CSMD1: variants seen among roughly 807,000 people sequenced by gnomAD.
The protein encoded by CSMD1 is CUB and sushi domain-containing protein 1.
In CSMD1, 213 loss-of-function variants were observed where a neutral mutation model predicts 417.5. That is an observed-to-expected ratio of 0.51 (90% CI 0.46 to 0.57). The LOEUF (loss-of-function observed/expected upper bound fraction) is 0.57, where lower values mean the gene tolerates loss of function less well. CSMD1 is among the 20% of genes least tolerant of loss of function. The probability of loss-of-function intolerance (pLI) is 0.00; values close to 1 mark genes in which losing one functional copy is unlikely to be tolerated. For missense variants in CSMD1, 6,923 were observed against 4,529.7 expected (o/e 1.53, Z -15.17); for synonymous variants, 2,862 against 1,736.8 (o/e 1.65, Z -16.11).
intron 30 of CSMD1, among the ~76,000 whole-genome samples, chr8:3,212,318 G>A (rs1797658116): frequency 6.6e-6 from 1 of 152,186 alleles, no homozygotes; most frequent in Non-Finnish European, 1.5e-5. Context: ...AGAAAGGACT[G>A]ATGCATAACC....
At position 4,417,791 on chromosome 8, in the gene CSMD1, C is replaced by A. The variant is rs556597824; in HGVS notation, c.415+2162G>T. ...ATTATCATTAATTCTACTTCATATA[C>A]ATATATATACATGTACAAATTGGTG... On this transcript the variant is annotated intron_variant, in intron 3 of 69. Coordinates refer to ENST00000635120, the MANE Select transcript of CSMD1 (RefSeq NM_033225.6). Among the ~76,000 whole-genome samples, 3 of 152,026 alleles carry A rather than the reference C, an allele frequency of 2.0e-5. No homozygotes were observed. In the South Asian group the frequency reaches 6.2e-4, roughly 32 times the overall value.
Position 3,223,876 on chromosome 8 carries a change from G to C in CSMD1, c.4346-9C>G, listed in dbSNP as rs963515424. 1 of 1,613,228 alleles carries C rather than the reference G, an allele frequency of 6.2e-7. No homozygotes were observed. The highest frequency in any genetic ancestry group is 1.1e-5 in the South Asian group (1 of 91,042). On this transcript the variant is annotated splice_polypyrimidine_tract_variant and intron_variant, in intron 27 of 69. Transcript: ENST00000635120. ...ATTCCCTCCACAAGCAGCTGTCACA[G>C]AACAAAAGTTACAGAGAAAAAGTAA... is the stretch of plus-strand genomic sequence containing the variant.
intron 3 of CSMD1, among the ~76,000 whole-genome samples, chr8:4,167,903 G>C (rs535456129): frequency 1.3e-5 from 2 of 151,792 alleles, no homozygotes; most frequent in African/African-American, 4.8e-5. Context: ...TGAGGCAGGC[G>C]GACTGCCTGA....
chr8:4,888,850 A>T (rs1229809650), intron 1 of CSMD1, among the ~76,000 whole-genome samples: 1 of 152,176 alleles, frequency 6.6e-6, no homozygotes, highest in African/African-American at 2.4e-5. Flanking sequence ...GGAGATTTTC[A>T]GCAACAAAGA....
intron 1 of CSMD1, among the ~76,000 whole-genome samples, chr8:4,659,565 A>G (rs11998155): frequency 0.027 from 4,133 of 152,190 alleles, 178 homozygotes; most frequent in African/African-American, 0.094. Flanking sequence ...AATTTCACAC[A>G]TATCAGATAC....
chr8:4,923,742 A>T (rs1745758951), intron 1 of CSMD1, among the ~76,000 whole-genome samples: 1 of 152,178 alleles, frequency 6.6e-6, no homozygotes, highest in Non-Finnish European at 1.5e-5. Context: ...TTTACCAAGG[A>T]ACCTTGGAAA....
chr8:3,216,778 C>T (rs1797906477), intron 29 of CSMD1, among the ~76,000 whole-genome samples: 3 of 152,346 alleles, frequency 2.0e-5, no homozygotes, highest in Middle Eastern at 6.8e-3. Context: ...CATCAGAGGC[C>T]AGGTGGATTG....
At chr8:3,807,453 A>G (rs897812865) in intron 5 of CSMD1, among the ~76,000 whole-genome samples, 1 of 152,178 alleles carries the variant, frequency 6.6e-6, no homozygotes, top group African/African-American at 2.4e-5. Flanking sequence ...AATGAAAGGC[A>G]AAGATCACTG....
chr8:3,332,064 T>C (rs1054650573), intron 23 of CSMD1, among the ~76,000 whole-genome samples: 6 of 152,208 alleles, frequency 3.9e-5, no homozygotes, highest in African/African-American at 9.6e-5. Context: ...TATCAATCAA[T>C]AGATGATCAA....
At chr8:3,189,884 C>A (rs375611222) in intron 34 of CSMD1, 28 bp downstream of exon 34, 5 of 1,541,658 alleles carry the variant, frequency 3.2e-6, no homozygotes, top group Non-Finnish European at 4.4e-6. Flanking sequence ...AGAGTTCTGG[C>A]GGGCAGCCGC....
Position 3,382,539 on chromosome 8 carries a change from T to TATATAAATTTATATAAATATA in CSMD1, c.2782+4954_2782+4955insTATATTTATATAAATTTATAT. On this transcript the variant is annotated intron_variant, in intron 18 of 69. Coordinates refer to ENST00000635120, the MANE Select transcript of CSMD1 (RefSeq NM_033225.6). Reference sequence around the variant, plus strand: ...TATATAAATTTATATAAATATATATTTATTATTAGCATTATGTCTTTCTCT... The same window carrying TATATAAATTTATATAAATATA: ...TATATAAATTTATATAAATATATATTATATAAATTTATATAAATATATATTATTAGCATTATGTCTTTCTCT... Among the ~76,000 whole-genome samples the TATATAAATTTATATAAATATA allele has an allele frequency of 5.4e-5, 2 of 37,110 alleles. 1 individual carries two copies. The highest frequency in any genetic ancestry group is 0.032 in the Middle Eastern group (2 of 62). 24.3% of individuals were successfully genotyped at this position (37,110 alleles called of 152,430 possible). A position where few individuals can be genotyped will look rare whatever the true frequency, so the allele number is the denominator to read the frequency against.
chr8:3,809,297 C>A (rs1800929915), intron 5 of CSMD1, among the ~76,000 whole-genome samples: 1 of 152,154 alleles, frequency 6.6e-6, no homozygotes, highest in African/African-American at 2.4e-5. Flanking sequence ...ACACAATGCA[C>A]CTTTCATTGA....
intron 4 of CSMD1, among the ~76,000 whole-genome samples, chr8:4,030,340 T>A (rs911847989): frequency 3.9e-5 from 6 of 152,180 alleles, no homozygotes; most frequent in African/African-American, 1.4e-4. Flanking sequence ...TTTCTATACT[T>A]CCTCTGAAAT....
chr8:4,710,760 G>T (rs1023228083), intron 1 of CSMD1, among the ~76,000 whole-genome samples: 166 of 151,850 alleles, frequency 1.1e-3, no homozygotes, highest in African/African-American at 3.9e-3. Flanking sequence ...CAGGTAAAAT[G>T]CTTGAACCCG....
chr8:3,757,954 G>C (rs182730481), intron 5 of CSMD1, among the ~76,000 whole-genome samples: 3 of 152,052 alleles, frequency 2.0e-5, no homozygotes, highest in African/African-American at 7.2e-5. Flanking sequence ...TAAAAAAAAT[G>C]CGTAAGTCCT....
chr8:3,454,722 C>A (rs1425509148), intron 12 of CSMD1, among the ~76,000 whole-genome samples: 2 of 152,172 alleles, frequency 1.3e-5, no homozygotes, highest in Admixed American at 1.3e-4. Context: ...GTAACCCGAC[C>A]TTTCTCTCTG....
intron 6 of CSMD1, among the ~76,000 whole-genome samples, chr8:3,725,989 C>A (rs1335458944): frequency 6.6e-6 from 1 of 152,144 alleles, no homozygotes; most frequent in South Asian, 2.1e-4. Flanking sequence ...TGTGTGACTA[C>A]GGAGACCGGG....
chr8:3,476,784 G>T (rs1167294922), intron 11 of CSMD1, among the ~76,000 whole-genome samples: 1 of 152,000 alleles, frequency 6.6e-6, no homozygotes, highest in African/African-American at 2.4e-5. Flanking sequence ...CAGGCTTGGT[G>T]GCAGACATCT....
At chr8:3,151,595 T>A (rs371043017) in intron 39 of CSMD1, 82 bp from the exon 40 acceptor site, 1 of 845,638 alleles carries the variant, frequency 1.2e-6, no homozygotes, top group Non-Finnish European at 1.9e-6. Flanking sequence ...CACTCAACTA[T>A]GCTGAGAAAG....
Sources: gnomAD v4.1 joint callset for allele counts (sites outside exome capture counted in the v4.1 genomes callset) on GRCh38, gnomAD v4.1.1 for gene constraint, MANE v1.5 for transcripts, NCBI Gene and HGNC (gene_info 2026-07-23, HGNC 2026-07-21) for gene names.